FNDC3B: variants seen among roughly 807,000 people sequenced by gnomAD.
The protein encoded by FNDC3B is fibronectin type III domain-containing protein 3B.
FNDC3B carries 12 observed loss-of-function variants against 151.5 expected under a neutral mutation model. The ratio of observed to expected loss-of-function variants is 0.08; its 90% confidence interval spans 0.05 to 0.13. FNDC3B has a LOEUF of 0.13. Among genes scored for constraint, FNDC3B ranks in the 10% least tolerant of loss-of-function variants. FNDC3B has a pLI of 1.00. For missense variants in FNDC3B, 1,214 were observed against 1,505.3 expected (o/e 0.81, Z 3.20); for synonymous variants, 528 against 549.0 (o/e 0.96, Z 0.54).
At position 172,343,101 on chromosome 3, in the gene FNDC3B, G is replaced by T; in HGVS notation, c.2062G>T (p.Val688Phe). ...RVLGRPKHKE[V>F]HLEWDVPASE... ...TTTGGGTAGACCAAAGCACAAAGAA[G>T]TCCACTTAGAGTGGGGTGAGTGAAC... The change falls in exon 18 of 26, where the codon GTC (valine) becomes TTC (phenylalanine). Residue 688 changes from valine to phenylalanine, a missense_variant. Coordinates refer to ENST00000415807, the MANE Select transcript of FNDC3B (RefSeq NM_022763.4). 6.3e-7 allele frequency: 1 copy of T among 1,599,408 alleles called. No individual in the cohort carries two copies. The highest frequency in any genetic ancestry group is 8.6e-7 in the Non-Finnish European group (1 of 1,167,062).
intron 4 of FNDC3B, among the ~76,000 whole-genome samples, chr3:172,235,159 C>A (rs1003888923): frequency 1.1e-4 from 16 of 152,174 alleles, no homozygotes; most frequent in African/African-American, 2.7e-4. Flanking sequence ...ACATCAATAA[C>A]ATCTAGCATC....
At chr3:172,366,449 G>T (rs1734625259) in intron 23 of FNDC3B, among the ~76,000 whole-genome samples, 1 of 151,870 alleles carries the variant, frequency 6.6e-6, no homozygotes, top group Admixed American at 6.6e-5. Flanking sequence ...AGAAAGTAGG[G>T]TTTGTACCAA....
At chr3:172,388,056 C>T (rs1313263131) in intron 25 of FNDC3B, among the ~76,000 whole-genome samples, 3 of 152,178 alleles carry the variant, frequency 2.0e-5, no homozygotes, top group Admixed American at 6.5e-5. Context: ...CTCATTGTAA[C>T]CCTAACTCAG....
chr3:172,193,970 C>T (rs1029737299), intron 3 of FNDC3B, among the ~76,000 whole-genome samples: 9 of 152,082 alleles, frequency 5.9e-5, no homozygotes, highest in Non-Finnish European at 7.4e-5. Context: ...TCTGTAATCC[C>T]AGCACTTTGG....
At chr3:172,366,221 A>G (rs1370602252) in intron 23 of FNDC3B, among the ~76,000 whole-genome samples, 1 of 152,214 alleles carries the variant, frequency 6.6e-6, no homozygotes, top group Non-Finnish European at 1.5e-5. Context: ...AAAATTTGAA[A>G]TGACCAAGAG....
At chr3:172,272,754 C>T (rs1231467886) in intron 6 of FNDC3B, among the ~76,000 whole-genome samples, 3 of 152,124 alleles carry the variant, frequency 2.0e-5, no homozygotes, top group Non-Finnish European at 4.4e-5. Flanking sequence ...AAAATTAACA[C>T]CTGCTAGGGA....
intron 11 of FNDC3B, among the ~76,000 whole-genome samples, chr3:172,324,439 G>A (rs1260177022): frequency 6.6e-6 from 1 of 152,128 alleles, no homozygotes; most frequent in Non-Finnish European, 1.5e-5. Flanking sequence ...AGTGCGAAGA[G>A]GAACACTCAG....
intron 6 of FNDC3B, among the ~76,000 whole-genome samples, chr3:172,252,001 G>A (rs1002273255): frequency 2.0e-5 from 3 of 151,990 alleles, no homozygotes; most frequent in Non-Finnish European, 4.4e-5. Flanking sequence ...GTTTAGTTTT[G>A]GCATCAGTTA....
chr3:172,253,841 G>T (rs1046253995), intron 6 of FNDC3B, among the ~76,000 whole-genome samples: 1 of 151,748 alleles, frequency 6.6e-6, no homozygotes, highest in Non-Finnish European at 1.5e-5. Context: ...GTGCAGTGGT[G>T]TGATCTCAGC....
intron 3 of FNDC3B, among the ~76,000 whole-genome samples, chr3:172,224,671 G>A (rs560511353): frequency 9.2e-5 from 14 of 152,252 alleles, no homozygotes; most frequent in South Asian, 6.2e-4. Flanking sequence ...TTGTGTGCAC[G>A]TTTAAATGCA....
chr3:172,320,716 A>G (rs1732039463), intron 11 of FNDC3B, among the ~76,000 whole-genome samples: 1 of 152,204 alleles, frequency 6.6e-6, no homozygotes, highest in African/African-American at 2.4e-5. Flanking sequence ...CCCACAGTCT[A>G]CAGAATTACA....
At chr3:172,332,674 A>C (rs1443739928) in intron 13 of FNDC3B, among the ~76,000 whole-genome samples, 5 of 152,184 alleles carry the variant, frequency 3.3e-5, no homozygotes, top group Non-Finnish European at 7.3e-5. Flanking sequence ...TTTCCCATCT[A>C]AGCTGTCCTT....
At chr3:172,296,073 A>T (rs1413527550) in intron 8 of FNDC3B, among the ~76,000 whole-genome samples, 31 of 152,222 alleles carry the variant, frequency 2.0e-4, no homozygotes, top group Admixed American at 2.0e-3. Flanking sequence ...TTGACCATTC[A>T]AAAGATTTAT....
At chr3:172,261,619 A>G (rs1576849701) in intron 6 of FNDC3B, among the ~76,000 whole-genome samples, 1 of 152,218 alleles carries the variant, frequency 6.6e-6, no homozygotes, top group South Asian at 2.1e-4. Context: ...TTGAAATTCT[A>G]GGAATTGAGT....
chr3:172,280,161 C>T (rs139177729), intron 6 of FNDC3B, among the ~76,000 whole-genome samples: 12 of 152,288 alleles, frequency 7.9e-5, no homozygotes, highest in African/African-American at 1.4e-4. Flanking sequence ...GCTTTCTGCC[C>T]GCCTTGGCCT....
intron 1 of FNDC3B, among the ~76,000 whole-genome samples, chr3:172,042,706 T>G (rs1716147437): frequency 6.6e-6 from 1 of 152,200 alleles, no homozygotes; most frequent in Non-Finnish European, 1.5e-5. Context: ...ACCAATGGTG[T>G]CATCCAATGG....
chr3:172,320,312 G>A (rs1325180624), intron 11 of FNDC3B, among the ~76,000 whole-genome samples: 1 of 151,964 alleles, frequency 6.6e-6, no homozygotes, highest in Admixed American at 6.6e-5. Flanking sequence ...CCTGGGAGGC[G>A]GAGGTTGAGG....
intron 4 of FNDC3B, among the ~76,000 whole-genome samples, chr3:172,244,617 CTTTTTTTTT>C (rs11294678): frequency 2.7e-4 from 20 of 73,068 alleles, no homozygotes; most frequent in Non-Finnish European, 3.7e-4. Flanking sequence ...AATATTTCAC[CTTTTTTTTT>C]TTTTTTTTTT....
chr3:172,331,642 G>A (rs1732675473), intron 13 of FNDC3B, among the ~76,000 whole-genome samples: 1 of 152,084 alleles, frequency 6.6e-6, no homozygotes, highest in African/African-American at 2.4e-5. Flanking sequence ...TTACAGGTGT[G>A]AGCCACCGCA....
Sources: allele counts gnomAD v4.1 joint callset (sites outside exome capture counted in the v4.1 genomes callset), GRCh38; gene constraint gnomAD v4.1.1; transcripts MANE v1.5; gene names NCBI Gene and HGNC (gene_info 2026-07-23, HGNC 2026-07-21).